Variants in MIB1 observed in about 807,000 individuals in gnomAD.
The protein encoded by MIB1 is MIB E3 ubiquitin protein ligase 1, also known as E3 ubiquitin-protein ligase MIB1.
MIB1 carries 278 observed loss-of-function variants against 124.5 expected under a neutral mutation model. The observed-to-expected ratio is 2.23, with a 90% CI of 2.02 to 2.47. The LOEUF (loss-of-function observed/expected upper bound fraction) is 2.47, where lower values mean the gene tolerates loss of function less well. Ranked by LOEUF, MIB1 falls within the 30% of genes most tolerant of loss-of-function variation. The pLI, the probability that MIB1 is intolerant of heterozygous loss-of-function variation, is 0.00. For synonymous variants in MIB1, 446 were observed against 429.4 expected, an observed-to-expected ratio of 1.04 and a Z score of -0.48; for missense variants, 957 against 1,254.4, an observed-to-expected ratio of 0.76 and a Z score of 3.58.
chr18:21,784,050 C>CT (rs1175848884), intron 6 of MIB1, among the ~76,000 whole-genome samples: 3,866 of 132,730 alleles, frequency 0.029, 73 homozygotes, highest in East Asian at 0.066. Flanking sequence ...GCCTGTGTTG[C>CT]TTTTTTTTTT....
At chr18:21,840,453 C>T (rs775252474) in intron 13 of MIB1, among the ~76,000 whole-genome samples, 6 of 151,710 alleles carry the variant, frequency 4.0e-5, no homozygotes, top group Middle Eastern at 3.2e-3. Context: ...TCACAACTTA[C>T]GCAAAAATTA....
Position 21,797,184 on chromosome 18 carries a change from G to A in MIB1, c.1093-900G>A, listed in dbSNP as rs531039710. Among the ~76,000 whole-genome samples the A allele has an allele frequency of 5.3e-5, 8 of 152,248 alleles. No individual in the cohort carries two copies. The South Asian group carries it at 1.7e-3, about 32-fold the overall frequency. ...ATCAAAAAAAGAGTTCTTATTGTTT[G>A]GAGGTACATACTGAAATAATACTGG... On this transcript the variant is annotated intron_variant, in intron 7 of 20. Coordinates refer to ENST00000261537, the MANE Select transcript of MIB1 (RefSeq NM_020774.4).
chr18:21,857,862 G>A (rs911261309), intron 19 of MIB1, among the ~76,000 whole-genome samples: 1 of 152,220 alleles, frequency 6.6e-6, no homozygotes, highest in African/African-American at 2.4e-5. Flanking sequence ...ATGAGCAGAT[G>A]AGGAAGAGCA....
chr18:21,856,611 G>T (rs1366501420), intron 18 of MIB1, among the ~76,000 whole-genome samples: 5 of 152,192 alleles, frequency 3.3e-5, no homozygotes, highest in Non-Finnish European at 5.9e-5. Flanking sequence ...GCTAATGCCT[G>T]CAGGGCCTAA....
intron 6 of MIB1, among the ~76,000 whole-genome samples, chr18:21,780,232 C>T (rs1441388928): frequency 6.6e-6 from 1 of 152,228 alleles, no homozygotes; most frequent in Non-Finnish European, 1.5e-5. Context: ...ATCACCCCTT[C>T]TTTACATTGG....
chr18:21,823,275 C>CT (rs1202715475), intron 12 of MIB1, among the ~76,000 whole-genome samples: 1 of 149,624 alleles, frequency 6.7e-6, no homozygotes, highest in African/African-American at 2.5e-5. Context: ...GCATCACAGA[C>CT]TTTTAGTCTC....
chr18:21,765,162 G>A (rs1239569033), intron 1 of MIB1, among the ~76,000 whole-genome samples: 1 of 152,142 alleles, frequency 6.6e-6, no homozygotes, highest in East Asian at 1.9e-4. Flanking sequence ...ATTTTACCAA[G>A]TGTTTATTTT....
chr18:21,741,934 G>A lies in MIB1; in HGVS notation c.229+122G>A. On this transcript the variant is annotated intron_variant, in intron 1 of 20. Transcript: ENST00000261537. The surrounding 1 kb of genome is among the most constrained non-coding windows in gnomAD (Gnocchi z 5.4). ...ACCTGGTGGGCAGCGCCCGGCTGGAGCGAGCGGAAAGGCAAAGCGCCAAAG... is the reference window on the plus strand; with the variant it reads ...ACCTGGTGGGCAGCGCCCGGCTGGAACGAGCGGAAAGGCAAAGCGCCAAAG... The A allele has an allele frequency of 1.1e-6, 1 of 882,618 alleles. No homozygotes were observed. The highest frequency in any genetic ancestry group is 2.9e-5 in the East Asian group (1 of 34,670). 54.7% of individuals were successfully genotyped at this position (882,618 alleles called of 1,614,324 possible).
In MIB1 at chr18:21,819,541, G is replaced by A. The variant is rs908645168; in HGVS notation, c.1724G>A (p.Arg575His). The A allele has an allele frequency of 3.1e-6, 5 of 1,610,552 alleles. No homozygotes were observed. Among genetic ancestry groups the A allele is most frequent in the Non-Finnish European group, 2.5e-6 (3 of 1,177,574 alleles). The change falls in exon 12 of 21, where the codon CGT (arginine) becomes CAT (histidine). Residue 575 changes from arginine to histidine, a missense_variant. Physicochemically the swap from Arg to His is conservative, Grantham distance 29. Coordinates refer to ENST00000261537, the MANE Select transcript of MIB1 (RefSeq NM_020774.4). ...CTTCATGATGCAATAAGTAAGAAAC[G>A]TGATGATATCCTAGCAGTTCTTTTG... The part of the protein sequence containing the change: ...TPLHDAISKK[R>H]DDILAVLLEA...
intron 12 of MIB1, among the ~76,000 whole-genome samples, chr18:21,820,982 C>T (rs185268718): frequency 5.6e-4 from 86 of 152,246 alleles, no homozygotes; most frequent in Non-Finnish European, 1.0e-3. Flanking sequence ...GTGTCAATAC[C>T]TCATTCCTCT....
intron 12 of MIB1, among the ~76,000 whole-genome samples, chr18:21,835,575 G>A (rs2042019487): frequency 6.6e-6 from 1 of 151,640 alleles, no homozygotes; most frequent in Non-Finnish European, 1.5e-5. Context: ...AGACCGGCCT[G>A]GCCAAGATGG....
At chr18:21,791,247 A>G in intron 6 of MIB1, 127 bp from the exon 7 acceptor site, 1 of 674,166 alleles carries the variant, frequency 1.5e-6, no homozygotes, top group East Asian at 2.8e-5. Flanking sequence ...GTATATATAA[A>G]TAAACACAAA....
chr18:21,719,751 C>G (rs1435755494), intron 1 of MIB1, among the ~76,000 whole-genome samples: 2 of 151,962 alleles, frequency 1.3e-5, no homozygotes, highest in Non-Finnish European at 2.9e-5. Flanking sequence ...GCCACTGTGC[C>G]CGGCCCTTTT....
At chr18:21,706,369 C>T (rs945275691) in intron 1 of MIB1, among the ~76,000 whole-genome samples, 3 of 152,196 alleles carry the variant, frequency 2.0e-5, no homozygotes, top group Non-Finnish European at 2.9e-5. Flanking sequence ...TAGCAGCCCT[C>T]GCTCGCTCTC....
chr18:21,745,695 C>T (rs1375094233), intron 1 of MIB1, among the ~76,000 whole-genome samples: 1 of 151,962 alleles, frequency 6.6e-6, no homozygotes, highest in Non-Finnish European at 1.5e-5. Flanking sequence ...CACACACACA[C>T]ACACACACAC....
intron 17 of MIB1, among the ~76,000 whole-genome samples, chr18:21,851,037 A>G (rs1568227158): frequency 1.3e-5 from 2 of 152,194 alleles, no homozygotes; most frequent in Non-Finnish European, 2.9e-5. Context: ...TGACTTATAT[A>G]TAAGCAACTC....
At chr18:21,817,324 A>G (rs1598625263) in intron 11 of MIB1, among the ~76,000 whole-genome samples, 1 of 151,690 alleles carries the variant, frequency 6.6e-6, no homozygotes, top group African/African-American at 2.4e-5. Flanking sequence ...AATTTTTTGT[A>G]GAAATGCCCA....
At chr18:21,733,695 C>CTTTCTTT (rs974009143) in intron 1 of MIB1, among the ~76,000 whole-genome samples, 9 of 152,166 alleles carry the variant, frequency 5.9e-5, no homozygotes, top group Non-Finnish European at 8.8e-5. Context: ...TCATCTCGTC[C>CTTTCTTT]TTTCTTTTTT....
In MIB1 at chr18:21,768,599, G is replaced by A. The variant is rs2041190608; in HGVS notation, c.402-24G>A. The A allele has an allele frequency of 9.6e-6, 14 of 1,452,154 alleles. No homozygotes were observed. The South Asian group carries it at 1.1e-4, about 11-fold the overall frequency. 90.0% of individuals were successfully genotyped at this position (1,452,154 alleles called of 1,614,324 possible). Reference sequence around the variant, plus strand: ...TTGTTACCTATTTTTATATAAACTTGAAAATAAATAATTTTATTTTTAGGG... The same window carrying A: ...TTGTTACCTATTTTTATATAAACTTAAAAATAAATAATTTTATTTTTAGGG... On this transcript the variant is annotated intron_variant, in intron 2 of 20. Coordinates refer to ENST00000261537, the MANE Select transcript of MIB1 (RefSeq NM_020774.4).
Sources: allele counts gnomAD v4.1 joint callset (sites outside exome capture counted in the v4.1 genomes callset), GRCh38; gene constraint gnomAD v4.1.1; non-coding constraint Gnocchi (gnomAD v3.1); transcripts MANE v1.5; gene names NCBI Gene and HGNC (gene_info 2026-07-23, HGNC 2026-07-21).